The following LARGE1 variants were observed in gnomAD, a reference collection of about 807,000 sequenced individuals.
LARGE1 encodes the protein xylosyl- and glucuronyltransferase LARGE1.
A neutral mutation model predicts 87.6 loss-of-function variants in LARGE1; 43 were observed. The observed-to-expected ratio is 0.49, with a 90% CI of 0.38 to 0.63. LARGE1 has a LOEUF of 0.63. Among genes scored for constraint, LARGE1 ranks in the 30% least tolerant of loss-of-function variants. The probability of loss-of-function intolerance (pLI) is 0.00; values close to 1 mark genes in which losing one functional copy is unlikely to be tolerated. For synonymous variants in LARGE1, 434 were observed against 394.6 expected (o/e 1.10, Z -1.18); for missense variants, 802 against 1,000.2 (o/e 0.80, Z 2.67).
At chr22:33,410,922 G>A (rs2066286088) in intron 7 of LARGE1, among the ~76,000 whole-genome samples, 1 of 152,166 alleles carries the variant, frequency 6.6e-6, no homozygotes, top group East Asian at 1.9e-4. Flanking sequence ...GTGAACCTGA[G>A]AGGCCCCAGA....
At chr22:33,571,701 A>G (rs1322315222) in intron 5 of LARGE1, among the ~76,000 whole-genome samples, 1 of 152,134 alleles carries the variant, frequency 6.6e-6, no homozygotes, top group African/African-American at 2.4e-5. Context: ...TGACCTATTG[A>G]AACTCCTCCT....
intron 5 of LARGE1, among the ~76,000 whole-genome samples, chr22:33,576,646 CAT>C (rs766093441): frequency 5.9e-5 from 9 of 152,096 alleles, no homozygotes; most frequent in Non-Finnish European, 1.0e-4. Context: ...CATGGATAAA[CAT>C]GTGTGTGTAT....
At chr22:33,386,871 G>A (rs1323784199) in intron 7 of LARGE1, among the ~76,000 whole-genome samples, 1 of 148,758 alleles carries the variant, frequency 6.7e-6, no homozygotes, top group African/African-American at 2.4e-5. Flanking sequence ...GGAGGCCAAG[G>A]TGGGTGGATC....
intron 11 of LARGE1, among the ~76,000 whole-genome samples, chr22:33,248,478 G>C (rs1330991573): frequency 6.6e-6 from 1 of 152,170 alleles, no homozygotes; most frequent in Non-Finnish European, 1.5e-5. Context: ...TTATAGGCGT[G>C]AGCCAACACG....
chr22:33,336,491 C>T (rs146960154), intron 10 of LARGE1, among the ~76,000 whole-genome samples: 4,787 of 152,064 alleles, frequency 0.031, 167 homozygotes, highest in African/African-American at 0.097. Context: ...TGAGCCACCG[C>T]GCCTGGCCCC....
At chr22:33,464,915 GC>G (rs2068540481) in intron 6 of LARGE1, among the ~76,000 whole-genome samples, 4 of 141,992 alleles carry the variant, frequency 2.8e-5, no homozygotes, top group African/African-American at 1.2e-4. Context: ...ACATACACAT[GC>G]ACACATACAT....
intron 1 of LARGE1, among the ~76,000 whole-genome samples, chr22:33,826,489 T>A (rs1395622857): frequency 1.3e-5 from 2 of 151,876 alleles, no homozygotes; most frequent in Non-Finnish European, 2.9e-5. Context: ...ATTACAGGCA[T>A]CCACCACCGC....
intron 2 of LARGE1, among the ~76,000 whole-genome samples, chr22:33,738,114 G>A (rs553252933): frequency 2.6e-5 from 4 of 152,162 alleles, no homozygotes; most frequent in Non-Finnish European, 5.9e-5. Context: ...TCAGGTAATC[G>A]AATTTGGTTC....
intron 12 of LARGE1, among the ~76,000 whole-genome samples, chr22:33,302,389 G>GT (rs1445067476): frequency 2.6e-5 from 4 of 152,142 alleles, no homozygotes; most frequent in South Asian, 2.1e-4. Context: ...TGACCCTACT[G>GT]TTTTTAACAG....
At chr22:33,725,887 G>C (rs1473426541) in intron 2 of LARGE1, 4 of 89,090 alleles carry the variant, frequency 4.5e-5, no homozygotes, top group Non-Finnish European at 7.9e-5. Context: ...AGGGCAATTT[G>C]CCCCCCTGCC....
At chr22:33,257,712 G>A (rs181331155) in intron 11 of LARGE1, among the ~76,000 whole-genome samples, 1 of 152,316 alleles carries the variant, frequency 6.6e-6, no homozygotes, top group Admixed American at 6.5e-5. Context: ...AGGGGAATAA[G>A]TTGCTCAAGA....
chr22:33,405,771 CAG>C (rs1278015053), intron 7 of LARGE1, among the ~76,000 whole-genome samples: 1 of 152,182 alleles, frequency 6.6e-6, no homozygotes. Flanking sequence ...GGGCCTGGTG[CAG>C]AGTCAATGCT....
intron 1 of LARGE1, among the ~76,000 whole-genome samples, chr22:33,906,270 T>C (rs2065452765): frequency 6.6e-6 from 1 of 152,212 alleles, no homozygotes; most frequent in Non-Finnish European, 1.5e-5. Flanking sequence ...GGCACATATG[T>C]GAGGCTGGAG....
At chr22:33,072,350 C>T in the LARGE1 span, among the ~76,000 whole-genome samples, 14 of 152,190 alleles carry the variant, frequency 9.2e-5, no homozygotes, top group Middle Eastern at 6.8e-3. Flanking sequence ...GAGGCTGGAG[C>T]ACTTTTCTTC....
At chr22:33,920,723 C>A (rs1428174430), upstream of LARGE1, among the ~76,000 whole-genome samples, 3 of 144,826 alleles carry the variant, frequency 2.1e-5, no homozygotes, top group African/African-American at 7.4e-5. Flanking sequence ...AGGCGGGCGG[C>A]CCCCGCCGCC....
downstream of LARGE1, among the ~76,000 whole-genome samples, chr22:33,159,338 A>G (rs1372417126): frequency 6.6e-6 from 1 of 152,220 alleles, no homozygotes; most frequent in African/African-American, 2.4e-5. Flanking sequence ...CAAAAGCAAA[A>G]TATCTGTACA....
chr22:33,143,086 A>G, the LARGE1 span, among the ~76,000 whole-genome samples: 1 of 152,202 alleles, frequency 6.6e-6, no homozygotes, highest in Non-Finnish European at 1.5e-5. Context: ...GAAATGAGAC[A>G]TATTCCTTCT....
chr22:33,205,151 G>T (rs1265836954), intron 11 of LARGE1, among the ~76,000 whole-genome samples: 1 of 152,110 alleles, frequency 6.6e-6, no homozygotes, highest in African/African-American at 2.4e-5. Flanking sequence ...ACCTGTCTCA[G>T]ATGCTACCCC....
intron 1 of LARGE1, among the ~76,000 whole-genome samples, chr22:33,787,020 CAAA>C (rs1184293115): frequency 6.5e-5 from 5 of 77,128 alleles, no homozygotes; most frequent in Non-Finnish European, 7.9e-5. Context: ...GACTCCATTT[CAAA>C]AAAAAAAAAA....
Sources: allele counts gnomAD v4.1 joint callset (sites outside exome capture counted in the v4.1 genomes callset), GRCh38; gene constraint gnomAD v4.1.1; transcripts MANE v1.5; gene names NCBI Gene and HGNC (gene_info 2026-07-23, HGNC 2026-07-21).